Variants in GPR141 observed in about 807,000 individuals in gnomAD.
GPR141 encodes probable G protein-coupled receptor 141.
Under a neutral mutation model 6.8 loss-of-function variants are expected in GPR141, and 6 were observed. That is an observed-to-expected ratio of 0.88 (90% CI 0.48 to 1.74). The LOEUF (loss-of-function observed/expected upper bound fraction) is 1.74. GPR141 is among the 40% of genes most tolerant of loss of function. The pLI, the probability that GPR141 is intolerant of heterozygous loss-of-function variation, is 0.01. For synonymous variants in GPR141, 140 were observed against 142.3 expected, an observed-to-expected ratio of 0.98 and a Z score of 0.11; for missense variants, 372 against 372.9, an observed-to-expected ratio of 1.00 and a Z score of 0.02.
chr7:37,692,428 G>A (rs1809821112), intron 2 of GPR141, among the ~76,000 whole-genome samples: 1 of 152,234 alleles, frequency 6.6e-6, no homozygotes, highest in East Asian at 1.9e-4. Context: ...CCAAGTCTTT[G>A]CTATTGTGAA....
chr7:37,738,444 G>A (rs1298918936), intron 2 of GPR141, among the ~76,000 whole-genome samples: 2 of 152,104 alleles, frequency 1.3e-5, no homozygotes, highest in African/African-American at 2.4e-5. Flanking sequence ...ATAATTTCAT[G>A]TCTCCTTGAT....
At chr7:37,707,527 A>G (rs1048224598) in intron 2 of GPR141, among the ~76,000 whole-genome samples, 1 of 143,076 alleles carries the variant, frequency 7.0e-6, no homozygotes, top group Non-Finnish European at 1.5e-5. Flanking sequence ...CTCATCAACA[A>G]TAAGCATTTA....
rs549410323 is a variant in GPR141 at position 37,719,853 on chromosome 7, G to A, written c.-14-20527G>A. On this transcript the variant is annotated intron_variant, in intron 2 of 2. Transcript: ENST00000334425. ...GGAATGAGCTTATTGGAAGAGATGA[G>A]GGAATGAGAGTGTGAGGAGGAGCTT... Among the ~76,000 whole-genome samples, 661 of 152,222 alleles carry A rather than the reference G, an allele frequency of 4.3e-3. 3 individuals carry two copies. Among genetic ancestry groups the A allele is most frequent in the Non-Finnish European group, 4.6e-3 (312 of 68,014 alleles).
intron 2 of GPR141, among the ~76,000 whole-genome samples, chr7:37,692,426 T>C (rs2131733910): frequency 6.6e-6 from 1 of 152,352 alleles, no homozygotes; most frequent in Admixed American, 6.5e-5. Context: ...ATCCAAGTCT[T>C]TGCTATTGTG....
In GPR141 at chr7:37,737,584, CT is replaced by C. The variant is rs540193006; in HGVS notation, c.-14-2785del. On this transcript the variant is annotated intron_variant, in intron 2 of 2. Coordinates refer to ENST00000334425, the MANE Select transcript of GPR141 (RefSeq NM_001381946.1). ...AAAACATTGTGAGATTTATTTTTAA[CT>C]TTTTTTTTTTAGCTCATTAGTTATT... Among the ~76,000 whole-genome samples the C allele has an allele frequency of 7.6e-3, 1,120 of 147,066 alleles. 21 individuals are homozygous for C. Among genetic ancestry groups the C allele is most frequent in the African/African-American group, 0.026 (1,038 of 40,366 alleles).
At chr7:37,704,662 C>A (rs191509499) in intron 2 of GPR141, among the ~76,000 whole-genome samples, 9 of 152,248 alleles carry the variant, frequency 5.9e-5, no homozygotes, top group Non-Finnish European at 1.3e-4. Flanking sequence ...CGAGTCCAAT[C>A]TGACTTTACA....
At chr7:37,693,097 G>A (rs186034899) in intron 2 of GPR141, among the ~76,000 whole-genome samples, 140 of 152,290 alleles carry the variant, frequency 9.2e-4, no homozygotes, top group Middle Eastern at 3.4e-3. Context: ...GTCCTGAATA[G>A]TATTGCCTAG....
Position 37,740,790 on chromosome 7 carries a change from G to C in GPR141, c.397G>C (p.Val133Leu), listed in dbSNP as rs1812508327. ...KVEFYRKLHAVAASAGMWTLV... is the reference protein window; with the variant it reads ...KVEFYRKLHALAASAGMWTLV... The stretch of plus-strand genomic sequence containing the variant: ...GGAATTCTACAGAAAACTGCATGCT[G>C]TGGCTGCCAGTGCTGGCATGTGGAC... Residue 133 changes from valine to leucine, a missense_variant, in exon 3 of 3, where the codon GTG (valine) becomes CTG (leucine). Val to Leu is a conservative substitution (Grantham distance 32). Coordinates refer to ENST00000334425, the MANE Select transcript of GPR141 (RefSeq NM_001381946.1). The C allele has an allele frequency of 6.2e-7, 1 of 1,614,030 alleles. No individual in the cohort carries two copies. The highest frequency in any genetic ancestry group is 1.7e-5 in the Admixed American group (1 of 59,996).
At chr7:37,686,069 G>A (rs1809497110) in intron 2 of GPR141, among the ~76,000 whole-genome samples, 2 of 151,916 alleles carry the variant, frequency 1.3e-5, no homozygotes, top group Admixed American at 6.6e-5. Flanking sequence ...CACAATCACA[G>A]CTCACTGAAG....
intron 2 of GPR141, among the ~76,000 whole-genome samples, chr7:37,689,721 A>G (rs532492373): frequency 6.6e-6 from 1 of 151,260 alleles, no homozygotes; most frequent in Non-Finnish European, 1.5e-5. Flanking sequence ...CTTTTTTTTT[A>G]AAATTTCTGT....
chr7:37,720,103 G>A (rs1358552672), intron 2 of GPR141, among the ~76,000 whole-genome samples: 5 of 148,012 alleles, frequency 3.4e-5, no homozygotes, highest in Non-Finnish European at 5.9e-5. Context: ...AGGGTTCCAG[G>A]GTGTCGGGAG....
At chr7:37,724,061 G>T (rs1811493737) in intron 2 of GPR141, among the ~76,000 whole-genome samples, 1 of 152,156 alleles carries the variant, frequency 6.6e-6, no homozygotes, top group African/African-American at 2.4e-5. Flanking sequence ...GCAGAGCAGT[G>T]TGGCTCACTC....
intron 2 of GPR141, among the ~76,000 whole-genome samples, chr7:37,721,124 C>T (rs1811305804): frequency 1.3e-5 from 2 of 152,258 alleles, no homozygotes; most frequent in African/African-American, 4.8e-5. Context: ...TGCTGTGACC[C>T]TGTGATGTGC....
chr7:37,719,372 G>A (rs1219988151), intron 2 of GPR141, among the ~76,000 whole-genome samples: 2 of 152,196 alleles, frequency 1.3e-5, no homozygotes, highest in Admixed American at 6.5e-5. Flanking sequence ...TATCTTGCAA[G>A]TTTTCAATTT....
chr7:37,706,248 A>T (rs1165798153), intron 2 of GPR141, among the ~76,000 whole-genome samples: 1 of 152,146 alleles, frequency 6.6e-6, no homozygotes, highest in African/African-American at 2.4e-5. Flanking sequence ...GACTCTACGG[A>T]TGCATAGAAG....
chr7:37,738,944 T>A (rs148651231), intron 2 of GPR141, among the ~76,000 whole-genome samples: 2 of 152,330 alleles, frequency 1.3e-5, no homozygotes, highest in Non-Finnish European at 2.9e-5. Context: ...GTCCCTCTAA[T>A]GAGTATTTTT....
chr7:37,705,736 G>A (rs186341363), intron 2 of GPR141, among the ~76,000 whole-genome samples: 5 of 152,234 alleles, frequency 3.3e-5, no homozygotes, highest in African/African-American at 1.2e-4. Context: ...AATATTTGGA[G>A]AGCAATAAAA....
intron 2 of GPR141, among the ~76,000 whole-genome samples, chr7:37,696,116 T>C (rs889757813): frequency 1.3e-5 from 2 of 152,200 alleles, no homozygotes; most frequent in African/African-American, 4.8e-5. Flanking sequence ...AACTTTATAA[T>C]AGTGTGAAAG....
At chr7:37,731,595 C>T (rs975192171) in intron 2 of GPR141, among the ~76,000 whole-genome samples, 1 of 151,964 alleles carries the variant, frequency 6.6e-6, no homozygotes, top group Non-Finnish European at 1.5e-5. Context: ...AGGCGCCCGC[C>T]ACAACGCCCG....
Sources: allele counts gnomAD v4.1 joint callset (sites outside exome capture counted in the v4.1 genomes callset), GRCh38; gene constraint gnomAD v4.1.1; transcripts MANE v1.5; gene names NCBI Gene and HGNC (gene_info 2026-07-23, HGNC 2026-07-21).